Variants in NKAIN3 observed in about 807,000 individuals in gnomAD.
NKAIN3 encodes sodium/potassium transporting ATPase interacting 3.
Under a neutral mutation model 30.2 loss-of-function variants are expected in NKAIN3, and 25 were observed. That is an observed-to-expected ratio of 0.83 (90% CI 0.60 to 1.16). The LOEUF (loss-of-function observed/expected upper bound fraction) is 1.16, where lower values mean the gene tolerates loss of function less well. Among genes scored for constraint, NKAIN3 ranks in the 50% most tolerant of loss-of-function variants. The pLI is 0.00. For synonymous variants in NKAIN3, 91 were observed against 89.6 expected (o/e 1.02, Z -0.09); for missense variants, 225 against 254.1 (o/e 0.89, Z 0.78).
At chr8:62,405,569 T>C (rs1804037088) in intron 1 of NKAIN3, among the ~76,000 whole-genome samples, 1 of 152,220 alleles carries the variant, frequency 6.6e-6, no homozygotes, top group African/African-American at 2.4e-5. Flanking sequence ...CAGAGTCCCA[T>C]AATCACTGCT....
intron 3 of NKAIN3, among the ~76,000 whole-genome samples, chr8:62,638,221 G>C (rs1440275295): frequency 6.6e-6 from 1 of 152,166 alleles, no homozygotes; most frequent in Admixed American, 6.5e-5. Context: ...GTGATGGTAG[G>C]AGGAGGACTG....
At chr8:62,485,373 T>C (rs1300007072) in intron 1 of NKAIN3, among the ~76,000 whole-genome samples, 4 of 152,178 alleles carry the variant, frequency 2.6e-5, no homozygotes, top group Non-Finnish European at 5.9e-5. Context: ...TTCACCACAA[T>C]GAGTGGAAAA....
intron 5 of NKAIN3, among the ~76,000 whole-genome samples, chr8:62,932,995 A>AACACAC (rs59854103): frequency 0.023 from 3,212 of 141,820 alleles, 72 homozygotes; most frequent in African/African-American, 0.056. Context: ...TCACTCAATG[A>AACACAC]ACACACACAC....
At position 62,319,582 on chromosome 8, in the gene NKAIN3, G is replaced by A. The variant is rs145336037; in HGVS notation, c.54+70455G>A. On this transcript the variant is annotated intron_variant, in intron 1 of 6. Coordinates refer to ENST00000623646, the MANE Select transcript of NKAIN3 (RefSeq NM_001304533.3). Reference sequence around the variant, plus strand: ...ACATATTTATTTCTGCCTTCATTTCGTTTTGTACCCAGTAGTCATTCAGGA... The same window carrying A: ...ACATATTTATTTCTGCCTTCATTTCATTTTGTACCCAGTAGTCATTCAGGA... 2.2e-3 allele frequency among the ~76,000 whole-genome samples: 329 copies of A among 152,108 alleles called. 2 individuals are homozygous for A. The highest frequency in any genetic ancestry group is 7.4e-3 in the African/African-American group (309 of 41,514).
At chr8:62,585,778 T>C (rs1810452952) in intron 2 of NKAIN3, among the ~76,000 whole-genome samples, 1 of 152,168 alleles carries the variant, frequency 6.6e-6, no homozygotes, top group Non-Finnish European at 1.5e-5. Flanking sequence ...ATGGGCCTTA[T>C]GTGCTTCTTT....
chr8:62,489,904 A>C (rs1807017395), intron 1 of NKAIN3, among the ~76,000 whole-genome samples: 1 of 152,176 alleles, frequency 6.6e-6, no homozygotes, highest in Non-Finnish European at 1.5e-5. Context: ...GTTCAACTTC[A>C]CTGTTTTCTT....
At chr8:62,370,050 CAGTT>C (rs2129593173) in intron 1 of NKAIN3, among the ~76,000 whole-genome samples, 1 of 152,062 alleles carries the variant, frequency 6.6e-6, no homozygotes, top group East Asian at 1.9e-4. Context: ...TGTGATGAAG[CAGTT>C]AGTTGAAGAG....
At chr8:62,291,432 G>GT (rs1204796161) in intron 1 of NKAIN3, among the ~76,000 whole-genome samples, 1 of 152,122 alleles carries the variant, frequency 6.6e-6, no homozygotes, top group Non-Finnish European at 1.5e-5. Flanking sequence ...TTTCTGGTAT[G>GT]TTGTGTCTTT....
intron 1 of NKAIN3, among the ~76,000 whole-genome samples, chr8:62,563,709 C>T (rs1809658902): frequency 6.6e-6 from 1 of 152,132 alleles, no homozygotes; most frequent in South Asian, 2.1e-4. Flanking sequence ...AATAATCTCT[C>T]ACAGTGAATA....
chr8:62,275,048 A>G (rs1286097390), intron 1 of NKAIN3, among the ~76,000 whole-genome samples: 2 of 152,174 alleles, frequency 1.3e-5, no homozygotes, highest in African/African-American at 4.8e-5. Context: ...TAGTGCCGCA[A>G]TAAACATACG....
intron 4 of NKAIN3, among the ~76,000 whole-genome samples, chr8:62,808,295 A>T (rs1275736599): frequency 6.6e-6 from 1 of 152,180 alleles, no homozygotes. Context: ...ACTCTTTAGT[A>T]GCTTTTTGTT....
intron 1 of NKAIN3, among the ~76,000 whole-genome samples, chr8:62,479,236 A>G (rs934219649): frequency 8.5e-5 from 13 of 152,140 alleles, no homozygotes; most frequent in Non-Finnish European, 1.5e-4. Context: ...TATTATTATC[A>G]CTATTATTAG....
chr8:62,847,187 C>T (rs1443374511), intron 4 of NKAIN3, among the ~76,000 whole-genome samples: 1 of 152,082 alleles, frequency 6.6e-6, no homozygotes, highest in Admixed American at 6.6e-5. Context: ...ATTTATATTC[C>T]TTTAGGTATA....
At chr8:62,300,573 A>G (rs1304982022) in intron 1 of NKAIN3, among the ~76,000 whole-genome samples, 2 of 152,188 alleles carry the variant, frequency 1.3e-5, no homozygotes, top group South Asian at 4.1e-4. Context: ...TGAGATAAAA[A>G]TATTCCAGAA....
intron 3 of NKAIN3, among the ~76,000 whole-genome samples, chr8:62,742,909 G>A (rs771724743): frequency 2.6e-5 from 4 of 152,168 alleles, no homozygotes; most frequent in Non-Finnish European, 4.4e-5. Context: ...GGGGAAGCAA[G>A]CTCATCCTTC....
At chr8:62,997,020 A>C (rs1420688383) in intron 5 of NKAIN3, among the ~76,000 whole-genome samples, 1 of 152,152 alleles carries the variant, frequency 6.6e-6, no homozygotes, top group Non-Finnish European at 1.5e-5. Flanking sequence ...CTCTTCTCAC[A>C]GTTCCACTAG....
chr8:62,953,209 A>G (rs1404252284), intron 5 of NKAIN3, among the ~76,000 whole-genome samples: 3 of 152,200 alleles, frequency 2.0e-5, no homozygotes, highest in African/African-American at 7.2e-5. Context: ...TTAGAGTGCT[A>G]TAATGCAACC....
intron 1 of NKAIN3, among the ~76,000 whole-genome samples, chr8:62,256,559 C>G (rs1411093776): frequency 6.6e-6 from 1 of 152,162 alleles, no homozygotes; most frequent in Admixed American, 6.5e-5. Flanking sequence ...GAGGGAGTGT[C>G]GTGTTTCCCA....
chr8:62,745,873 T>C (rs940393608), intron 3 of NKAIN3, among the ~76,000 whole-genome samples: 4 of 152,152 alleles, frequency 2.6e-5, no homozygotes, highest in Non-Finnish European at 5.9e-5. Context: ...AGTGCCGCAT[T>C]ATAGCTAAAA....
Sources: allele counts gnomAD v4.1 joint callset (sites outside exome capture counted in the v4.1 genomes callset), GRCh38; gene constraint gnomAD v4.1.1; transcripts MANE v1.5; gene names NCBI Gene and HGNC (gene_info 2026-07-23, HGNC 2026-07-21).